The following FRMD4B variants were observed in gnomAD, a reference collection of about 807,000 sequenced individuals.
FRMD4B encodes FERM domain containing 4B.
Under a neutral mutation model 141.5 loss-of-function variants are expected in FRMD4B, and 74 were observed. The ratio of observed to expected loss-of-function variants is 0.52; its 90% CI spans 0.43 to 0.63. The LOEUF is 0.63. Ranked by LOEUF, FRMD4B falls within the 30% of genes least tolerant of loss-of-function variation. FRMD4B has a pLI of 0.00. For missense variants in FRMD4B, 1,366 were observed against 1,253.4 expected, an observed-to-expected ratio of 1.09 and a Z score of -1.36; for synonymous variants, 506 against 467.9, an observed-to-expected ratio of 1.08 and a Z score of -1.05.
In FRMD4B at chr3:69,181,210, T is replaced by C; in HGVS notation, c.2540A>G (p.Tyr847Cys). 4.3e-6 allele frequency: 7 copies of C among 1,614,014 alleles called. No individual in the cohort carries two copies. The highest frequency in any genetic ancestry group is 5.9e-6 in the Non-Finnish European group (7 of 1,179,882). ...TCTGCTGTAGTCCCTCTGGCGCTCA[T>C]ATCCATAGTGGGCTGAGGACCGGTA... ...PSYRSSAHYG[Y>C]ERQRDYSRSF... is the part of the protein sequence containing the mutation. The change falls in exon 21 of 23, where the codon TAT becomes TGT. Residue 847 changes from tyrosine (Y) to cysteine (C), a missense_variant. Tyr to Cys is a radical substitution (Grantham distance 194, BLOSUM62 -2). Coordinates refer to ENST00000398540, the MANE Select transcript of FRMD4B (RefSeq NM_015123.3).
chr3:69,456,634 G>A (rs759846680), intron 1 of FRMD4B, among the ~76,000 whole-genome samples: 23 of 150,696 alleles, frequency 1.5e-4, no homozygotes, highest in Non-Finnish European at 2.6e-4. Context: ...TGTCTTGTTC[G>A]CCATTGTATA....
chr3:69,497,896 T>C (rs1706428802), intron 1 of FRMD4B, among the ~76,000 whole-genome samples: 1 of 152,228 alleles, frequency 6.6e-6, no homozygotes, highest in Admixed American at 6.5e-5. Flanking sequence ...GAACTCTTTT[T>C]GATGTTTCCA....
In FRMD4B at chr3:69,171,343, A is replaced by G. The variant is rs1313086763; in HGVS notation, c.*518T>C. ...ATCCAGCTTCAAGTAATTTTCCAATACTGTCTAAATTGTCCATGTCTGTGT... is the reference window on the plus strand; with the variant it reads ...ATCCAGCTTCAAGTAATTTTCCAATGCTGTCTAAATTGTCCATGTCTGTGT... On this transcript the variant is annotated 3_prime_UTR_variant, in exon 23 of 23. Transcript: ENST00000398540. The G allele has an allele frequency of 1.3e-5, 2 of 152,548 alleles. No homozygotes were observed. The highest frequency in any genetic ancestry group is 2.4e-5 in the African/African-American group (1 of 41,458). The allele number at this position is 152,548 out of a possible 1,614,324, so 9.4% of individuals were successfully genotyped here.
Position 69,195,127 on chromosome 3 carries a change from T to C in FRMD4B, c.1383A>G (p.Lys461=). The change falls in exon 16 of 23, where the codon AAA becomes AAG. Residue 461 remains lysine, a synonymous_variant. Coordinates refer to ENST00000398540, the MANE Select transcript of FRMD4B (RefSeq NM_015123.3). ...TGTTCAGGGGATACTCCTTTGGCATTTTGCCTGTGAGCTCCTGTAAAACAG... is the reference window on the plus strand; with the variant it reads ...TGTTCAGGGGATACTCCTTTGGCATCTTGCCTGTGAGCTCCTGTAAAACAG... The part of the protein sequence containing the change: ...ICLREAELTG[K]MPKEYPLNIG... 6.2e-7 allele frequency: 1 copy of C among 1,614,018 alleles called. No individual in the cohort carries two copies. Among genetic ancestry groups the C allele is most frequent in the African/African-American group, 1.3e-5 (1 of 75,046 alleles).
At position 69,196,123 on chromosome 3, in the gene FRMD4B, G is replaced by A. The variant is rs186123048; in HGVS notation, c.1234+132C>T. On this transcript the variant is annotated intron_variant, in intron 14 of 22. Transcript: ENST00000398540. The stretch of plus-strand genomic sequence containing the variant: ...CCTTAAAATTTTATTCAAAGCTGTC[G>A]CATACATACTTATTGACATACTTAT... 1.4e-3 allele frequency: 925 copies of A among 676,088 alleles called. 1 individual carries two copies. Among genetic ancestry groups the A allele is most frequent in the Non-Finnish European group, 1.8e-3 (716 of 403,738 alleles). The allele number at this position is 676,088 out of a possible 1,614,324, so 41.9% of individuals were successfully genotyped here. A position where few individuals can be genotyped will look rare whatever the true frequency, so the allele number is the denominator to read the frequency against.
At chr3:69,505,220 T>TA (rs989879639) in intron 1 of FRMD4B, among the ~76,000 whole-genome samples, 17 of 151,286 alleles carry the variant, frequency 1.1e-4, no homozygotes, top group East Asian at 5.8e-4. Flanking sequence ...AAATTAAAAA[T>TA]AAAAAAAATA....
intron 5 of FRMD4B, among the ~76,000 whole-genome samples, chr3:69,262,651 G>A (rs1227869819): frequency 6.6e-6 from 1 of 150,402 alleles, no homozygotes; most frequent in African/African-American, 2.4e-5. Flanking sequence ...TAGAGCTGGG[G>A]TGTCTCCATG....
rs1313692677 is a variant in FRMD4B at position 69,169,135 on chromosome 3, G to A, written c.*2726C>T. ...CTGAGAGTGTTCGGCTAATGGGCAC[G>A]ATTATGTTTTTGTTATGTACTATTT... On this transcript the variant is annotated 3_prime_UTR_variant, in exon 23 of 23. Transcript: ENST00000398540. Among the ~76,000 whole-genome samples, 1 of 151,960 alleles carries A rather than the reference G, an allele frequency of 6.6e-6. No homozygotes were observed. The highest frequency in any genetic ancestry group is 2.4e-5 in the African/African-American group (1 of 41,362).
intron 1 of FRMD4B, among the ~76,000 whole-genome samples, chr3:69,321,367 T>C (rs1701989573): frequency 6.6e-6 from 1 of 152,128 alleles, no homozygotes; most frequent in African/African-American, 2.4e-5. Context: ...AAATTTTTCT[T>C]CTCTCTCTCT....
At chr3:69,230,899 T>C (rs1238956856) in intron 7 of FRMD4B, among the ~76,000 whole-genome samples, 1 of 152,214 alleles carries the variant, frequency 6.6e-6, no homozygotes. Flanking sequence ...ATCATGAATG[T>C]CACACATATT....
chr3:69,338,647 A>C (rs1005800300), intron 1 of FRMD4B, among the ~76,000 whole-genome samples: 2 of 152,196 alleles, frequency 1.3e-5, no homozygotes, highest in African/African-American at 4.8e-5. Flanking sequence ...ACACATGGAC[A>C]CAAAGAAGGG....
intron 7 of FRMD4B, among the ~76,000 whole-genome samples, chr3:69,242,102 G>T (rs971166312): frequency 3.9e-5 from 6 of 152,142 alleles, no homozygotes; most frequent in African/African-American, 1.4e-4. Context: ...ATTAATAATA[G>T]TAACGATGGC....
chr3:69,535,590 T>C (rs142190366), intron 1 of FRMD4B: 339 of 179,010 alleles, frequency 1.9e-3, no homozygotes, highest in African/African-American at 7.2e-3. Flanking sequence ...ATGAAATAAA[T>C]AAAGCAGTGG....
intron 4 of FRMD4B, among the ~76,000 whole-genome samples, chr3:69,292,810 T>C (rs922814953): frequency 2.3e-5 from 3 of 129,082 alleles, no homozygotes; most frequent in African/African-American, 8.4e-5. Flanking sequence ...GACCTTTTTT[T>C]CAGCCTTTTT....
At chr3:69,325,555 G>A (rs1575732977) in intron 1 of FRMD4B, among the ~76,000 whole-genome samples, 1 of 152,224 alleles carries the variant, frequency 6.6e-6, no homozygotes, top group Non-Finnish European at 1.5e-5. Context: ...AGGATTTAGA[G>A]TCACGAGGTT....
At chr3:69,231,573 C>T (rs2107786168) in intron 7 of FRMD4B, among the ~76,000 whole-genome samples, 1 of 152,362 alleles carries the variant, frequency 6.6e-6, no homozygotes, top group East Asian at 1.9e-4. Context: ...CAGGCGTAAG[C>T]CACTGTGCCC....
At chr3:69,499,334 G>C (rs780416276) in intron 1 of FRMD4B, among the ~76,000 whole-genome samples, 3 of 152,130 alleles carry the variant, frequency 2.0e-5, no homozygotes, top group Non-Finnish European at 4.4e-5. Context: ...GGTCCTGTGT[G>C]GACAGTGGAT....
At chr3:69,242,480 T>A (rs76712226) in intron 7 of FRMD4B, among the ~76,000 whole-genome samples, 3 of 896 alleles carry the variant, frequency 3.3e-3, no homozygotes, top group East Asian at 0.036. Context: ...ATAGCTGCAT[T>A]TTTTTTTTTT....
intron 5 of FRMD4B, among the ~76,000 whole-genome samples, chr3:69,256,923 T>C (rs1042247136): frequency 6.6e-6 from 1 of 152,194 alleles, no homozygotes; most frequent in Non-Finnish European, 1.5e-5. Context: ...TTCTTCTAGA[T>C]CAGGGTTTTA....
Sources: gnomAD v4.1 joint callset for allele counts (sites outside exome capture counted in the v4.1 genomes callset) on GRCh38, gnomAD v4.1.1 for gene constraint, MANE v1.5 for transcripts, NCBI Gene and HGNC (gene_info 2026-07-23, HGNC 2026-07-21) for gene names.